Variants in BIRC6 observed in about 807,000 individuals in gnomAD.
The protein encoded by BIRC6 is baculoviral IAP repeat containing 6, also known as dual E2 ubiquitin-conjugating enzyme/E3 ubiquitin-protein ligase BIRC6.
Under a neutral mutation model 503.3 loss-of-function variants are expected in BIRC6, and 98 were observed. That is an observed-to-expected ratio of 0.19 (90% CI 0.17 to 0.23). The LOEUF (loss-of-function observed/expected upper bound fraction) is 0.23. BIRC6 is among the 10% of genes least tolerant of loss of function. The probability of loss-of-function intolerance (pLI) is 1.00; values close to 1 mark genes in which losing one functional copy is unlikely to be tolerated. For missense variants in BIRC6, 5,360 were observed against 5,806.0 expected, an observed-to-expected ratio of 0.92 and a Z score of 2.50; for synonymous variants, 2,240 against 2,078.7, an observed-to-expected ratio of 1.08 and a Z score of -2.11.
chr2:32,473,128 T>C lies in BIRC6; in HGVS notation c.6609T>C (p.Phe2203=), dbSNP rs2049293225. ...CGCCTGTAGGTAATCAGTGGAGTTT[T>C]ATTAACAATAATCTACACACTCAGA... is the stretch of plus-strand genomic sequence containing the variant. The part of the protein sequence containing the change: ...KKPLNGNQWS[F]INNNLHTQSL... Residue 2203 remains phenylalanine (F), a synonymous_variant, in exon 33 of 74, where the codon TTT becomes TTC. Transcript: ENST00000421745. The C allele has an allele frequency of 1.9e-6, 3 of 1,577,584 alleles. No individual in the cohort carries two copies. Among genetic ancestry groups the C allele is most frequent in the Non-Finnish European group, 2.6e-6 (3 of 1,160,928 alleles).
chr2:32,556,649 CT>C (rs1469756261), intron 65 of BIRC6, among the ~76,000 whole-genome samples: 22 of 152,188 alleles, frequency 1.4e-4, no homozygotes, highest in African/African-American at 4.8e-4. Flanking sequence ...TCATGAAATG[CT>C]TTAAAAAAGT....
At chr2:32,524,114 A>T (rs1157329807) in intron 57 of BIRC6, among the ~76,000 whole-genome samples, 1 of 152,126 alleles carries the variant, frequency 6.6e-6, no homozygotes, top group Non-Finnish European at 1.5e-5. Context: ...TTTCAAATCA[A>T]TTCATTCAGC....
chr2:32,540,708 G>T (rs2057598437), intron 61 of BIRC6, among the ~76,000 whole-genome samples: 1 of 151,974 alleles, frequency 6.6e-6, no homozygotes, highest in Admixed American at 6.6e-5. Flanking sequence ...TGCTTTTGCT[G>T]AACCTGTATT....
chr2:32,458,386 G>A (rs955429475), intron 23 of BIRC6, among the ~76,000 whole-genome samples: 1 of 151,948 alleles, frequency 6.6e-6, no homozygotes, highest in African/African-American at 2.4e-5. Context: ...TATTGCTTCT[G>A]CTCTATTTTG....
intron 70 of BIRC6, among the ~76,000 whole-genome samples, chr2:32,602,273 T>C (rs771266370): frequency 5.3e-5 from 8 of 152,346 alleles, no homozygotes; most frequent in Middle Eastern, 3.4e-3. Flanking sequence ...TGAGATCCTT[T>C]CTTTCATAGC....
chr2:32,407,667 A>G (rs1021267917), intron 9 of BIRC6, among the ~76,000 whole-genome samples: 5 of 152,090 alleles, frequency 3.3e-5, no homozygotes, highest in African/African-American at 9.7e-5. Flanking sequence ...ATTTGGTAGT[A>G]AATATTCTTT....
At chr2:32,505,827 A>T (rs922085883) in intron 50 of BIRC6, among the ~76,000 whole-genome samples, 4 of 152,152 alleles carry the variant, frequency 2.6e-5, no homozygotes, top group African/African-American at 7.2e-5. Context: ...AACTCTTTCA[A>T]GTATTTATAA....
At chr2:32,383,663 C>G (rs1167726640) in intron 3 of BIRC6, among the ~76,000 whole-genome samples, 1 of 152,206 alleles carries the variant, frequency 6.6e-6, no homozygotes, top group Non-Finnish European at 1.5e-5. Flanking sequence ...TCCCCAGTAG[C>G]TGGGACTATA....
intron 51 of BIRC6, 31 bp from the exon 52 acceptor site, chr2:32,509,707 A>G (rs1459719985): frequency 1.9e-6 from 3 of 1,612,590 alleles, no homozygotes; most frequent in Non-Finnish European, 2.5e-6. Context: ...AGCGACTTAT[A>G]TTGATCATAC....
chr2:32,533,420 A>G lies in BIRC6; in HGVS notation c.12291+1869A>G, dbSNP rs75522250. Among the ~76,000 whole-genome samples the G allele has an allele frequency of 4.4e-3, 672 of 152,338 alleles. 4 individuals carry two copies. Among genetic ancestry groups the G allele is most frequent in the African/African-American group, 0.016 (646 of 41,578 alleles). The stretch of plus-strand genomic sequence containing the variant: ...TGCTTATAGTGAAATGTGCGAGGAA[A>G]GATATAAATTGAGAGAAGAACTGTT... On this transcript the variant is annotated intron_variant, in intron 61 of 73. Transcript: ENST00000421745.
At chr2:32,545,531 T>C in intron 62 of BIRC6, 112 bp from the exon 63 acceptor site, 1 of 857,320 alleles carries the variant, frequency 1.2e-6, no homozygotes, top group Non-Finnish European at 1.9e-6. Context: ...CTAAATAATT[T>C]AGTGGTATAC....
intron 16 of BIRC6, among the ~76,000 whole-genome samples, chr2:32,441,058 C>T (rs987301574): frequency 7.2e-5 from 11 of 152,028 alleles, no homozygotes; most frequent in South Asian, 2.1e-4. Context: ...CTGCACCCAG[C>T]GGAATTAGAC....
chr2:32,411,436 T>TA (rs1558651555), intron 9 of BIRC6, among the ~76,000 whole-genome samples: 41 of 147,702 alleles, frequency 2.8e-4, no homozygotes, highest in African/African-American at 8.9e-4. Context: ...TTTTATTTTT[T>TA]TTTTTTAAAT....
intron 23 of BIRC6, among the ~76,000 whole-genome samples, chr2:32,461,072 C>CTTCTCTTCTT (rs1558790076): frequency 1.4e-4 from 1 of 7,134 alleles, no homozygotes; most frequent in African/African-American, 3.1e-4. Context: ...CTTCTGTTCT[C>CTTCTCTTCTT]CTCTCCTCTC....
At chr2:32,490,210 G>A (rs2051517928) in intron 43 of BIRC6, 59 bp downstream of exon 43, 13 of 1,391,842 alleles carry the variant, frequency 9.3e-6, no homozygotes, top group Non-Finnish European at 1.0e-6. Flanking sequence ...TTCTACTATT[G>A]GATTCTTAAA....
At chr2:32,532,578 C>T (rs2056873458) in intron 61 of BIRC6, among the ~76,000 whole-genome samples, 1 of 152,106 alleles carries the variant, frequency 6.6e-6, no homozygotes, top group Admixed American at 6.6e-5. Flanking sequence ...GCCCCATTTC[C>T]AAATAAGGTC....
rs370922584 is a variant in BIRC6, at chr2:32,360,627, G to T, written c.325+3141G>T. Among the ~76,000 whole-genome samples the T allele has an allele frequency of 2.0e-5, 3 of 152,138 alleles. No individual in the cohort carries two copies. The East Asian group carries it at 5.8e-4, about 29-fold the overall frequency. On this transcript the variant is annotated intron_variant, in intron 1 of 73. Coordinates refer to ENST00000421745, the MANE Select transcript of BIRC6 (RefSeq NM_016252.4). ...CTTAGTCATTTTCAAGACCTAGAGC[G>T]TATCTTAACTTCCTGATCCCTTTAG... is the stretch of plus-strand genomic sequence containing the variant.
intron 16 of BIRC6, among the ~76,000 whole-genome samples, chr2:32,440,351 A>G (rs778438851): frequency 5.9e-5 from 9 of 152,120 alleles, no homozygotes; most frequent in Admixed American, 2.0e-4. Flanking sequence ...TTTGGTGACT[A>G]TTTGGGAGTA....
chr2:32,406,603 A>G lies in BIRC6; in HGVS notation c.1477+46A>G, dbSNP rs370543186. The G allele has an allele frequency of 7.1e-5, 95 of 1,332,606 alleles. 1 individual carries two copies. The African/African-American group carries it at 1.3e-3, about 18-fold the overall frequency. 82.5% of individuals were successfully genotyped at this position (1,332,606 alleles called of 1,614,324 possible). ...AATGTATTTAAAAAATTCTTTACAC[A>G]GTTGTGCATACAGCTAACTACCACT... On this transcript the variant is annotated intron_variant, in intron 9 of 73. Coordinates refer to ENST00000421745, the MANE Select transcript of BIRC6 (RefSeq NM_016252.4).
Sources: allele counts gnomAD v4.1 joint callset (sites outside exome capture counted in the v4.1 genomes callset), GRCh38; gene constraint gnomAD v4.1.1; transcripts MANE v1.5; gene names NCBI Gene and HGNC (gene_info 2026-07-23, HGNC 2026-07-21).